MTR: variants seen among roughly 807,000 people sequenced by gnomAD.
The protein encoded by MTR is 5-methyltetrahydrofolate-homocysteine methyltransferase.
A neutral mutation model predicts 154.8 loss-of-function variants in MTR; 84 were observed. That is an observed-to-expected ratio of 0.54 (90% confidence interval 0.45 to 0.65). The LOEUF is 0.65. Among genes scored for constraint, MTR ranks in the 30% least tolerant of loss-of-function variants. The pLI, the probability that MTR is intolerant of heterozygous loss-of-function variation, is 0.00. For missense variants in MTR, 1,275 were observed against 1,570.2 expected (o/e 0.81, Z 3.18); for synonymous variants, 554 against 553.9 (o/e 1.00, Z 0.00).
chr1:236,850,725 A>G (rs1196176119), intron 16 of MTR, among the ~76,000 whole-genome samples: 3 of 152,204 alleles, frequency 2.0e-5, no homozygotes, highest in East Asian at 1.9e-4. Context: ...ACTGGAGAAC[A>G]TAACAGAGCC....
chr1:236,861,644 A>G (rs1365203210), intron 20 of MTR, among the ~76,000 whole-genome samples: 2 of 152,202 alleles, frequency 1.3e-5, no homozygotes, highest in African/African-American at 4.8e-5. Context: ...ATCTGTAAGG[A>G]TGCATATTTT....
chr1:236,837,001 A>G (rs2103157372), intron 14 of MTR, among the ~76,000 whole-genome samples: 1 of 152,202 alleles, frequency 6.6e-6, no homozygotes, highest in East Asian at 1.9e-4. Context: ...AACTCAATAC[A>G]TTATTAGTGT....
chr1:236,803,445 C>G lies in MTR; in HGVS notation c.52C>G (p.Leu18Val). The change falls in exon 2 of 33, where the codon CTG becomes GTG. Residue 18 changes from leucine (L) to valine (V), a missense_variant. By Grantham distance (32) the Leu-to-Val change is conservative. Coordinates refer to ENST00000366577, the MANE Select transcript of MTR (RefSeq NM_000254.3). ...LSQPEGLKKT[L>V]RDEINAILQK... ...CTTTAAAGAAGGTCTGAAGAAAACC[C>G]TGCGGGATGAGATCAATGCCATTCT... 6.2e-7 allele frequency: 1 copy of G among 1,614,114 alleles called. No individual in the cohort carries two copies. The highest frequency in any genetic ancestry group is 2.2e-5 in the East Asian group (1 of 44,882).
intron 3 of MTR, among the ~76,000 whole-genome samples, chr1:236,808,077 C>A (rs1661085790): frequency 6.6e-6 from 1 of 152,184 alleles, no homozygotes; most frequent in African/African-American, 2.4e-5. Flanking sequence ...AATCACAAGT[C>A]TAGTTTCTCC....
rs772236589 is a variant in MTR, at chr1:236,816,481, G to A, written c.702G>A (p.Arg234=). ...GGACGATCGTTGATAAAAGTGGGCG[G>A]ACTCTTTCCGGACAGACAGGAGAGG... is the stretch of plus-strand genomic sequence containing the variant. ...ISGTIVDKSG[R]TLSGQTGEGF... Residue 234 remains arginine (R), a synonymous_variant, in exon 8 of 33, where the codon CGG becomes CGA. Transcript: ENST00000366577. 5.0e-6 allele frequency: 8 copies of A among 1,614,122 alleles called. No individual in the cohort carries two copies. The highest frequency in any genetic ancestry group is 6.8e-6 in the Non-Finnish European group (8 of 1,179,998).
At position 236,894,817 on chromosome 1, in the gene MTR, A is replaced by G. The variant is rs1195983863; in HGVS notation, c.3405+260A>G. 2.3e-5 allele frequency: 12 copies of G among 523,780 alleles called. No individual in the cohort carries two copies. The South Asian group carries it at 2.7e-4, about 12-fold the overall frequency. The allele number at this position is 523,780 out of a possible 1,614,324, so 32.4% of individuals were successfully genotyped here. A position where few individuals can be genotyped will look rare whatever the true frequency, so the allele number is the denominator to read the frequency against. On this transcript the variant is annotated intron_variant, in intron 30 of 32. Coordinates refer to ENST00000366577, the MANE Select transcript of MTR (RefSeq NM_000254.3). ...TGTTGCTCTTAGAGCCTTTATCTCTACCTTATCTCTGTTGTCTCTCTTTGC... is the reference window on the plus strand; with the variant it reads ...TGTTGCTCTTAGAGCCTTTATCTCTGCCTTATCTCTGTTGTCTCTCTTTGC...
chr1:236,865,844 ATCCT>A (rs1412849480), intron 22 of MTR, among the ~76,000 whole-genome samples: 1 of 145,742 alleles, frequency 6.9e-6, no homozygotes, highest in East Asian at 2.0e-4. Flanking sequence ...CTTTTCTTTC[ATCCT>A]TCCTTTTCAT....
At chr1:236,883,868 GTTCAGATGAAGATGTTGAACTTTCT>G (rs1665883705) in intron 25 of MTR, among the ~76,000 whole-genome samples, 3 of 152,152 alleles carry the variant, frequency 2.0e-5, no homozygotes, top group Non-Finnish European at 4.4e-5. Context: ...ACTTCCTTAA[GTTCAGATGAAGATGTTGAACTTTCT>G]TGCCTTTTTG....
intron 22 of MTR, 91 bp from the exon 23 acceptor site, chr1:236,873,682 A>G: frequency 1.1e-5 from 11 of 1,010,942 alleles, no homozygotes; most frequent in South Asian, 1.0e-4. Context: ...ACATTAGAGC[A>G]GTATTTAATG....
Position 236,887,932 on chromosome 1 carries a change from CT to C in MTR, c.2852-1248del, listed in dbSNP as rs762171033. The stretch of plus-strand genomic sequence containing the variant: ...GAGGACGCTTGAATCAAGGGTCTAT[CT>C]GTAGATTCCTTTTAGTTTCTCTACT... On this transcript the variant is annotated intron_variant, in intron 27 of 32. Coordinates refer to ENST00000366577, the MANE Select transcript of MTR (RefSeq NM_000254.3). Among the ~76,000 whole-genome samples, 124 of 152,354 alleles carry C rather than the reference CT, an allele frequency of 8.1e-4. 1 individual carries two copies. Among genetic ancestry groups the C allele is most frequent in the Non-Finnish European group, 1.5e-3 (102 of 68,036 alleles).
intron 29 of MTR, among the ~76,000 whole-genome samples, chr1:236,893,123 T>C (rs1666423994): frequency 6.6e-6 from 1 of 152,128 alleles, no homozygotes; most frequent in Admixed American, 6.5e-5. Flanking sequence ...CTGTGATCTC[T>C]CTCTCCTGTG....
intron 15 of MTR, among the ~76,000 whole-genome samples, chr1:236,845,705 A>T (rs965170078): frequency 1.3e-5 from 2 of 152,256 alleles, no homozygotes; most frequent in Non-Finnish European, 2.9e-5. Context: ...TTTAAATATT[A>T]TGCAGATTAT....
chr1:236,819,532 T>G (rs539566557), intron 8 of MTR: 2 of 342,144 alleles, frequency 5.8e-6, no homozygotes, highest in Non-Finnish European at 5.6e-6. Context: ...TTCGAAGTTG[T>G]AGCAATTACA....
chr1:236,852,423 G>GTTTT, intron 16 of MTR, 98 bp from the exon 17 acceptor site: 9 of 875,614 alleles, frequency 1.0e-5, no homozygotes, highest in Admixed American at 3.7e-5. Context: ...GATGCTTTTT[G>GTTTT]TTTTTTTTTC....
chr1:236,795,738 G>C lies in MTR; in HGVS notation c.34+1G>C. The C allele has an allele frequency of 6.2e-7, 1 of 1,614,194 alleles. No homozygotes were observed. The highest frequency in any genetic ancestry group is 8.5e-7 in the Non-Finnish European group (1 of 1,180,038). The stretch of plus-strand genomic sequence containing the variant: ...GCGCTCCAAGACCTGTCGCAACCCG[G>C]TAACGCTGCGACCCCGTCTGCGTGG... On this transcript the variant is annotated splice_donor_variant, in intron 1 of 32. Transcript: ENST00000366577. LOFTEE classifies it high-confidence loss of function.
At chr1:236,815,166 C>A (rs946045231) in intron 6 of MTR, among the ~76,000 whole-genome samples, 1 of 152,014 alleles carries the variant, frequency 6.6e-6, no homozygotes, top group African/African-American at 2.4e-5. Flanking sequence ...CAGGGACATT[C>A]TTATTTATTT....
At chr1:236,895,046 G>C (rs1443752324) in intron 30 of MTR, 1 of 422,230 alleles carries the variant, frequency 2.4e-6, no homozygotes, top group Admixed American at 3.6e-5. Flanking sequence ...TATGGTCCCA[G>C]CTGCTCTTTC....
At chr1:236,812,670 C>T (rs142016852) in intron 5 of MTR, 68 bp from the exon 6 acceptor site, 17 of 1,242,770 alleles carry the variant, frequency 1.4e-5, no homozygotes, top group Non-Finnish European at 1.9e-5. Context: ...GACCTACACT[C>T]GAGATACCCT....
chr1:236,896,628 A>G (rs1220550278), intron 31 of MTR, among the ~76,000 whole-genome samples: 3 of 152,136 alleles, frequency 2.0e-5, no homozygotes, highest in East Asian at 1.9e-4. Flanking sequence ...CAGTGGCCGC[A>G]CAGAGCCGGT....
Sources: allele counts gnomAD v4.1 joint callset (sites outside exome capture counted in the v4.1 genomes callset), GRCh38; gene constraint gnomAD v4.1.1; transcripts MANE v1.5; gene names NCBI Gene and HGNC (gene_info 2026-07-23, HGNC 2026-07-21).